The following PCDHA4 variants were observed in gnomAD, a reference collection of about 807,000 sequenced individuals.
PCDHA4 encodes protocadherin alpha 4, also known as protocadherin alpha-4.
Under a neutral mutation model 61.4 loss-of-function variants are expected in PCDHA4, and 49 were observed. The ratio of observed to expected loss-of-function variants is 0.80; its 90% CI spans 0.63 to 1.01. The LOEUF is 1.01. PCDHA4 is among the 50% of genes least tolerant of loss of function. The probability of loss-of-function intolerance (pLI) is 0.00; values close to 1 mark genes in which losing one functional copy is unlikely to be tolerated. For missense variants in PCDHA4, 1,254 were observed against 1,235.8 expected (o/e 1.01, Z -0.22); for synonymous variants, 590 against 550.3 (o/e 1.07, Z -1.01).
intron 1 of PCDHA4, chr5:140,856,708 A>G: frequency 6.3e-7 from 1 of 1,596,690 alleles, no homozygotes; most frequent in South Asian, 1.1e-5. Context: ...GCAAACCTGA[A>G]TTTACCGGAT....
At chr5:140,881,377 G>A (rs557722479) in intron 1 of PCDHA4, 222 of 984,702 alleles carry the variant, frequency 2.3e-4, no homozygotes, top group Non-Finnish European at 2.4e-4. Flanking sequence ...AATTGCAGCC[G>A]GCGGCGGTAA....
intron 1 of PCDHA4, chr5:140,877,011 G>T: frequency 2.5e-6 from 4 of 1,612,512 alleles, no homozygotes. Flanking sequence ...TGCACGCGGA[G>T]AGCGGCAAGG....
chr5:140,955,030 A>T (rs1453200706), intron 1 of PCDHA4, among the ~76,000 whole-genome samples: 2 of 152,312 alleles, frequency 1.3e-5, no homozygotes, highest in African/African-American at 4.8e-5. Context: ...TTAAATAGGG[A>T]ATCTTTTCCT....
At chr5:140,827,346 AAAG>A (rs1451464058) in intron 1 of PCDHA4, among the ~76,000 whole-genome samples, 2 of 152,218 alleles carry the variant, frequency 1.3e-5, no homozygotes, top group Non-Finnish European at 2.9e-5. Context: ...AAGTATATGA[AAAG>A]AAAATATTTT....
At chr5:140,870,993 A>G in intron 1 of PCDHA4, 1 of 1,613,424 alleles carries the variant, frequency 6.2e-7, no homozygotes, top group South Asian at 1.1e-5. Context: ...CGGGCGAGAT[A>G]AGCACAACGC....
intron 1 of PCDHA4, among the ~76,000 whole-genome samples, chr5:140,887,924 G>C (rs782008714): frequency 6.6e-5 from 10 of 152,026 alleles, no homozygotes; most frequent in Admixed American, 6.6e-4. Context: ...TCATTTCAGA[G>C]ACCATATTTA....
intron 1 of PCDHA4, chr5:140,829,604 T>C: frequency 1.2e-6 from 2 of 1,612,064 alleles, no homozygotes; most frequent in Non-Finnish European, 1.7e-6. Context: ...GCGCGCGTTG[T>C]CGAGCTACAT....
intron 1 of PCDHA4, among the ~76,000 whole-genome samples, chr5:140,881,010 T>C (rs782629592): frequency 5.3e-5 from 8 of 152,198 alleles, no homozygotes; most frequent in South Asian, 4.1e-4. Flanking sequence ...AGCAGAGCTA[T>C]GGAAATAAAC....
chr5:140,848,763 A>G, intron 1 of PCDHA4: 3 of 1,593,392 alleles, frequency 1.9e-6, no homozygotes, highest in Non-Finnish European at 2.6e-6. Context: ...GAATTCTCGG[A>G]TCGACCGCGA....
At chr5:140,829,054 C>T in intron 1 of PCDHA4, 1 of 1,612,720 alleles carries the variant, frequency 6.2e-7, no homozygotes, top group Middle Eastern at 1.7e-4. Flanking sequence ...TCCTCATTGA[C>T]GCCACGGACA....
intron 1 of PCDHA4, among the ~76,000 whole-genome samples, chr5:140,957,650 C>T (rs1239447979): frequency 1.3e-5 from 2 of 151,848 alleles, no homozygotes; most frequent in Non-Finnish European, 2.9e-5. Flanking sequence ...CTTAAATATT[C>T]AATCATGGAG....
chr5:140,869,943 C>T (rs781893563), intron 1 of PCDHA4: 10 of 1,612,248 alleles, frequency 6.2e-6, no homozygotes, highest in Non-Finnish European at 7.6e-6. Context: ...TAACATACTC[C>T]TTAATGTCAA....
At chr5:141,001,957 G>A in intron 3 of PCDHA4, among the ~76,000 whole-genome samples, 1 of 152,294 alleles carries the variant, frequency 6.6e-6, no homozygotes, top group African/African-American at 2.4e-5. Flanking sequence ...AGGAGGGAGA[G>A]GCGGGGTGTC....
At chr5:140,849,663 A>T in intron 1 of PCDHA4, 1 of 1,598,672 alleles carries the variant, frequency 6.3e-7, no homozygotes, top group Non-Finnish European at 8.6e-7. Context: ...CTGCTCCCTG[A>T]CGCCCCACGT....
At chr5:140,915,244 G>A (rs1440851135) in intron 1 of PCDHA4, among the ~76,000 whole-genome samples, 2 of 152,058 alleles carry the variant, frequency 1.3e-5, no homozygotes, top group Non-Finnish European at 2.9e-5. Flanking sequence ...ACCATGCCTG[G>A]CCAGGTTGTT....
chr5:140,834,771 C>G (rs2150226115), intron 1 of PCDHA4: 1 of 1,613,992 alleles, frequency 6.2e-7, no homozygotes, highest in East Asian at 2.2e-5. Context: ...TAACGACAAC[C>G]CTCCGGTGTT....
chr5:140,810,151 T>C (rs1764605349), intron 1 of PCDHA4: 1 of 152,430 alleles, frequency 6.6e-6, no homozygotes, highest in Non-Finnish European at 1.5e-5. Context: ...GTTTATGAAA[T>C]TATCCATGTT....
At chr5:140,946,191 CAAAAG>C (rs2093900144) in intron 1 of PCDHA4, among the ~76,000 whole-genome samples, 1 of 151,950 alleles carries the variant, frequency 6.6e-6, no homozygotes, top group Non-Finnish European at 1.5e-5. Flanking sequence ...AGACATTTCT[CAAAAG>C]AAAGCACACA....
At chr5:140,989,865 C>T (rs1209207256) in intron 3 of PCDHA4, among the ~76,000 whole-genome samples, 1 of 152,034 alleles carries the variant, frequency 6.6e-6, no homozygotes, top group Non-Finnish European at 1.5e-5. Flanking sequence ...AGGAATCTTT[C>T]TCTGCCTCAG....
Sources: gnomAD v4.1 joint callset for allele counts (sites outside exome capture counted in the v4.1 genomes callset) on GRCh38, gnomAD v4.1.1 for gene constraint, MANE v1.5 for transcripts, NCBI Gene and HGNC (gene_info 2026-07-23, HGNC 2026-07-21) for gene names.